Variants in COL12A1 observed in about 807,000 individuals in gnomAD.
COL12A1 encodes collagen alpha-1(XII) chain.
In COL12A1, 114 loss-of-function variants were observed where a neutral mutation model predicts 349.7. That is an observed-to-expected ratio of 0.33 (90% CI 0.28 to 0.38). The LOEUF is 0.38. Among genes scored for constraint, COL12A1 ranks in the 10% least tolerant of loss-of-function variants. The probability of loss-of-function intolerance (pLI) is 1.00; values close to 1 mark genes in which losing one functional copy is unlikely to be tolerated. For missense variants in COL12A1, 3,284 were observed against 3,756.9 expected (o/e 0.87, Z 3.29); for synonymous variants, 1,369 against 1,329.0 (o/e 1.03, Z -0.66).
chr6:75,103,863 T>G (rs2149345745), intron 54 of COL12A1, 53 bp from the exon 55 acceptor site: 1 of 1,439,648 alleles, frequency 6.9e-7, no homozygotes, highest in African/African-American at 1.4e-5. Flanking sequence ...AGGAGGAAGT[T>G]GATATACAAA....
chr6:75,087,817 T>TGTC, intron 64 of COL12A1, 70 bp from the exon 65 acceptor site: 1 of 1,480,570 alleles, frequency 6.8e-7, no homozygotes, highest in Non-Finnish European at 9.2e-7. Context: ...CCACCAATAC[T>TGTC]TTAAGTGGCA....
chr6:75,128,264 C>A, intron 38 of COL12A1, 32 bp downstream of exon 38: 1 of 1,520,142 alleles, frequency 6.6e-7, no homozygotes, highest in South Asian at 1.4e-5. Flanking sequence ...AATTTCAAAG[C>A]AAAAATAAAA....
intron 14 of COL12A1, among the ~76,000 whole-genome samples, chr6:75,162,289 G>T (rs1768064068): frequency 6.6e-6 from 1 of 152,104 alleles, no homozygotes; most frequent in Admixed American, 6.6e-5. Flanking sequence ...CACAGTACTG[G>T]TACCAAAAAC....
In COL12A1 at chr6:75,130,208, C is replaced by G. The variant is rs909100621; in HGVS notation, c.6093G>C (p.Leu2031=). ...TATTGGTTGTTTCACCAAAGACTCT[C>G]AGGTTCCTTGGTCCACTGCGTGGTA... ...RTLPRSGPRN[L]RVFGETTNSL... is the part of the protein sequence containing the mutation. The change falls in exon 37 of 66, where the codon CTG becomes CTC. Residue 2031 remains leucine (L), a synonymous_variant. Transcript: ENST00000322507. 8 of 1,613,978 alleles carry G rather than the reference C, an allele frequency of 5.0e-6. No homozygotes were observed. The highest frequency in any genetic ancestry group is 6.8e-6 in the Non-Finnish European group (8 of 1,179,968).
chr6:75,174,522 G>C (rs574717564), intron 13 of COL12A1, among the ~76,000 whole-genome samples: 20 of 152,244 alleles, frequency 1.3e-4, no homozygotes, highest in South Asian at 8.3e-4. Flanking sequence ...CGCCACTGCA[G>C]TCCAGCCTGG....
intron 14 of COL12A1, among the ~76,000 whole-genome samples, chr6:75,162,682 G>C (rs1346362031): frequency 6.6e-6 from 1 of 152,202 alleles, no homozygotes; most frequent in Non-Finnish European, 1.5e-5. Context: ...AAACTAAAGA[G>C]CTTCTGCACA....
chr6:75,192,131 A>G, intron 4 of COL12A1, 81 bp downstream of exon 4: 1 of 1,161,230 alleles, frequency 8.6e-7, no homozygotes, highest in Non-Finnish European at 1.2e-6. Flanking sequence ...ACTTTGTATC[A>G]TAAAAGATTA....
chr6:75,172,953 CTT>C (rs777672864), intron 13 of COL12A1, among the ~76,000 whole-genome samples: 1 of 152,176 alleles, frequency 6.6e-6, no homozygotes. Context: ...TATAAGAGGA[CTT>C]TGGTATATGC....
At position 75,109,029 on chromosome 6, in the gene COL12A1, T is replaced by C; in HGVS notation, c.8089A>G (p.Lys2697Glu). The C allele has an allele frequency of 1.2e-6, 2 of 1,611,710 alleles. No individual in the cohort carries two copies. Among genetic ancestry groups the C allele is most frequent in the Non-Finnish European group, 8.5e-7 (1 of 1,179,198 alleles). ...AATGTGTTACTCACTGCGGCTGATT[T>C]CCTTTCCCCTTTAAGGAGTTTTCCA... ...ILGKLLKGERKSAAFQIQSFD... is the reference protein window; with the variant it reads ...ILGKLLKGERESAAFQIQSFD... Residue 2697 changes from lysine to glutamate, a missense_variant, in exon 52 of 66, where the codon AAA becomes GAA. Around this residue, in one of 2 missense-constraint regions of COL12A1, gnomAD observed 683 missense variants for 932.1 expected, o/e 0.73. Transcript: ENST00000322507.
intron 13 of COL12A1, among the ~76,000 whole-genome samples, chr6:75,167,100 A>G (rs532109030): frequency 5.3e-5 from 8 of 152,166 alleles, no homozygotes; most frequent in Non-Finnish European, 1.2e-4. Flanking sequence ...TCTTGAGGTT[A>G]ATTCCCATTT....
intron 5 of COL12A1, 55 bp from the exon 6 acceptor site, chr6:75,189,870 T>C (rs1346679597): frequency 1.9e-6 from 3 of 1,576,700 alleles, no homozygotes; most frequent in Non-Finnish European, 2.6e-6. Context: ...AACTCATCAA[T>C]ACATGTTAAC....
At chr6:75,179,448 C>G (rs1157377054) in intron 11 of COL12A1, among the ~76,000 whole-genome samples, 1 of 151,776 alleles carries the variant, frequency 6.6e-6, no homozygotes, top group Non-Finnish European at 1.5e-5. Context: ...GTACAGCCTT[C>G]TCCCTTATAT....
Position 75,149,471 on chromosome 6 carries a change from G to A in COL12A1, c.4148-974C>T, listed in dbSNP as rs540520348. ...CAAAGAAACACATGTTTTTCAATCT[G>A]GGAACAACCTACCGCCTGTGATTGT... On this transcript the variant is annotated intron_variant, in intron 21 of 65. Coordinates refer to ENST00000322507, the MANE Select transcript of COL12A1 (RefSeq NM_004370.6). Among the ~76,000 whole-genome samples, 5 of 152,078 alleles carry A rather than the reference G, an allele frequency of 3.3e-5. No homozygotes were observed. In the South Asian group the frequency reaches 1.0e-3, roughly 32 times the overall value.
intron 5 of COL12A1, 82 bp downstream of exon 5, chr6:75,191,619 A>T: frequency 1.2e-6 from 1 of 829,820 alleles, no homozygotes; most frequent in Non-Finnish European, 1.9e-6. Flanking sequence ...AGATCAATCT[A>T]TGTATATAAT....
chr6:75,148,910 T>C (rs1381273876), intron 21 of COL12A1, among the ~76,000 whole-genome samples: 2 of 152,020 alleles, frequency 1.3e-5, no homozygotes, highest in Non-Finnish European at 2.9e-5. Context: ...AACATGGGGG[T>C]GGTTTCCCCC....
intron 37 of COL12A1, among the ~76,000 whole-genome samples, chr6:75,129,579 A>G (rs1005951673): frequency 6.6e-6 from 1 of 152,196 alleles, no homozygotes; most frequent in African/African-American, 2.4e-5. Context: ...ACACTCAAAA[A>G]GTTTGAAGCT....
intron 58 of COL12A1, among the ~76,000 whole-genome samples, chr6:75,100,011 C>T (rs1768234234): frequency 6.6e-6 from 1 of 152,162 alleles, no homozygotes; most frequent in Non-Finnish European, 1.5e-5. Flanking sequence ...GATACCCCAC[C>T]AGCTATGCAC....
Position 75,152,011 on chromosome 6 carries a change from G to A in COL12A1, c.3856C>T (p.Arg1286Cys), listed in dbSNP as rs764448554. Residue 1286 changes from arginine to cysteine, a missense_variant, in exon 20 of 66, where the codon CGC becomes TGC. This residue lies in a region of COL12A1 where 2,601 missense variants were observed against 2,824.8 expected (regional missense o/e 0.92). Coordinates refer to ENST00000322507, the MANE Select transcript of COL12A1 (RefSeq NM_004370.6). Reference sequence around the variant, plus strand: ...GCTTGGGTCCTGAAGTTCTGTTGGCGAATGAAATTCAAAGCCATGCCTAGT... The same window carrying A: ...GCTTGGGTCCTGAAGTTCTGTTGGCAAATGAAATTCAAAGCCATGCCTAGT... Reference protein sequence around the residue: ...TLTGMALNFIRQQNFRTQAGM... With the variant: ...TLTGMALNFICQQNFRTQAGM... The A allele has an allele frequency of 8.7e-6, 14 of 1,613,668 alleles. No homozygotes were observed. The highest frequency in any genetic ancestry group is 3.3e-5 in the South Asian group (3 of 91,082).
Position 75,165,590 on chromosome 6 carries a change from G to A in COL12A1, c.2900C>T (p.Pro967Leu). The A allele has an allele frequency of 6.2e-7, 1 of 1,613,898 alleles. No individual in the cohort carries two copies. Among genetic ancestry groups the A allele is most frequent in the Non-Finnish European group, 8.5e-7 (1 of 1,179,902 alleles). ...AIHTMIENLQPETKYRISVFA... is the reference protein window; with the variant it reads ...AIHTMIENLQLETKYRISVFA... ...TACTGAAATTCTGTATTTGGTCTCT[G>A]GCTGCAGATTTTCTATCATCGTATG... Residue 967 changes from proline to leucine, a missense_variant, in exon 14 of 66, where the codon CCA becomes CTA. By Grantham distance (98) the Pro-to-Leu change is moderately conservative. This residue lies in a region of COL12A1 where 2,601 missense variants were observed against 2,824.8 expected (regional missense o/e 0.92). Coordinates refer to ENST00000322507, the MANE Select transcript of COL12A1 (RefSeq NM_004370.6).
Sources: gnomAD v4.1 joint callset for allele counts (sites outside exome capture counted in the v4.1 genomes callset) on GRCh38, gnomAD v4.1.1 for gene constraint, gnomAD v4.1.1 regional missense constraint, MANE v1.5 for transcripts, NCBI Gene and HGNC (gene_info 2026-07-23, HGNC 2026-07-21) for gene names.